PRKAR1B: variants seen among roughly 807,000 people sequenced by gnomAD.
PRKAR1B encodes the protein protein kinase cAMP-dependent type I regulatory subunit beta.
PRKAR1B carries 22 observed loss-of-function variants against 46.5 expected under a neutral mutation model. The ratio of observed to expected loss-of-function variants is 0.47; its 90% CI spans 0.34 to 0.68. PRKAR1B has a LOEUF of 0.68. PRKAR1B is among the 30% of genes least tolerant of loss of function. The pLI, the probability that PRKAR1B is intolerant of heterozygous loss-of-function variation, is 0.01. For missense variants in PRKAR1B, 445 were observed against 535.6 expected, an observed-to-expected ratio of 0.83 and a Z score of 1.67; for synonymous variants, 259 against 217.7, an observed-to-expected ratio of 1.19 and a Z score of -1.67.
intron 10 of PRKAR1B, among the ~76,000 whole-genome samples, chr7:550,810 T>C (rs906347122): frequency 6.6e-6 from 1 of 152,330 alleles, no homozygotes; most frequent in South Asian, 2.1e-4. Flanking sequence ...TTATCTGAAA[T>C]TCACGTTCAG....
chr7:663,839 TGA>T (rs1785753011), intron 4 of PRKAR1B, among the ~76,000 whole-genome samples: 1 of 151,980 alleles, frequency 6.6e-6, no homozygotes, highest in African/African-American at 2.4e-5. Context: ...TCAGGGAGCG[TGA>T]GTTACAACTG....
chr7:712,296 C>G (rs1235168038), intron 1 of PRKAR1B: 3 of 150,318 alleles, frequency 2.0e-5, no homozygotes, highest in Non-Finnish European at 4.5e-5. Context: ...GCCCCAGGCC[C>G]GGCCCCGCCC....
chr7:570,528 C>T (rs1180063904), intron 9 of PRKAR1B, among the ~76,000 whole-genome samples: 1 of 152,150 alleles, frequency 6.6e-6, no homozygotes, highest in African/African-American at 2.4e-5. Flanking sequence ...CCCCCACTGC[C>T]TGCCCAGCAG....
chr7:711,654 C>G (rs1009895323), intron 1 of PRKAR1B, 127 bp from the exon 2 acceptor site: 5 of 872,874 alleles, frequency 5.7e-6, no homozygotes, highest in African/African-American at 3.4e-5. Flanking sequence ...CTGCATTTGT[C>G]AAAGATCTTT....
chr7:634,075 T>A (rs1783906408), intron 4 of PRKAR1B, among the ~76,000 whole-genome samples: 1 of 152,130 alleles, frequency 6.6e-6, no homozygotes, highest in South Asian at 2.1e-4. Flanking sequence ...CAGGCTGCAG[T>A]GCAATGGTGT....
At chr7:559,919 T>C (rs1025628647) in intron 9 of PRKAR1B, among the ~76,000 whole-genome samples, 2 of 152,006 alleles carry the variant, frequency 1.3e-5, no homozygotes, top group Non-Finnish European at 2.9e-5. Context: ...CTACAAAAAG[T>C]AAATTAGCTG....
At chr7:709,940 C>A (rs1324674531) in intron 2 of PRKAR1B, among the ~76,000 whole-genome samples, 2 of 152,174 alleles carry the variant, frequency 1.3e-5, no homozygotes, top group African/African-American at 2.4e-5. Flanking sequence ...CCGTATCTGG[C>A]CTACAACTAC....
At chr7:571,812 C>T (rs552363872) in intron 9 of PRKAR1B, among the ~76,000 whole-genome samples, 1 of 152,346 alleles carries the variant, frequency 6.6e-6, no homozygotes, top group African/African-American at 2.4e-5. Context: ...CCAGCCCCGG[C>T]CGAATGCCGC....
At chr7:682,391 G>A (rs1031627378) in intron 2 of PRKAR1B, among the ~76,000 whole-genome samples, 5 of 152,080 alleles carry the variant, frequency 3.3e-5, no homozygotes, top group Non-Finnish European at 4.4e-5. Context: ...CACTTAGGGA[G>A]GATCATTTGG....
At chr7:595,111 G>A (rs1781197577) in intron 7 of PRKAR1B, among the ~76,000 whole-genome samples, 1 of 152,208 alleles carries the variant, frequency 6.6e-6, no homozygotes, top group African/African-American at 2.4e-5. Context: ...TCCTCGGCCT[G>A]GAGCCCTCCC....
At chr7:598,029 A>G (rs1014964175) in intron 6 of PRKAR1B, among the ~76,000 whole-genome samples, 1 of 152,176 alleles carries the variant, frequency 6.6e-6, no homozygotes, top group Non-Finnish European at 1.5e-5. Context: ...GCTGCAGGTG[A>G]CGGACTCCAG....
At chr7:673,283 G>A (rs181586485) in intron 4 of PRKAR1B, among the ~76,000 whole-genome samples, 5 of 152,100 alleles carry the variant, frequency 3.3e-5, no homozygotes, top group African/African-American at 4.8e-5. Flanking sequence ...CGTAATATCC[G>A]TTCAAAAACG....
chr7:700,699 G>C (rs1190413304), intron 2 of PRKAR1B, among the ~76,000 whole-genome samples: 1 of 151,996 alleles, frequency 6.6e-6, no homozygotes, highest in Admixed American at 6.6e-5. Flanking sequence ...GGAGGAGAAG[G>C]AGAACAGGAG....
At chr7:634,930 G>A (rs781678341) in intron 4 of PRKAR1B, among the ~76,000 whole-genome samples, 77 of 152,032 alleles carry the variant, frequency 5.1e-4, no homozygotes, top group Non-Finnish European at 1.0e-3. Context: ...GTGAGCCACC[G>A]CACCCAGCCT....
chr7:723,797 CCT>C (rs987350661), intron 1 of PRKAR1B, among the ~76,000 whole-genome samples: 11 of 152,188 alleles, frequency 7.2e-5, no homozygotes, highest in Non-Finnish European at 1.3e-4. Flanking sequence ...TGCCTGCTCC[CCT>C]GTGACCAGGG....
chr7:631,082 A>G (rs68044999), intron 4 of PRKAR1B, among the ~76,000 whole-genome samples: 114,862 of 151,836 alleles, frequency 0.76, 43,938 homozygotes, highest in South Asian at 0.9. Context: ...CTCCCGAGTA[A>G]CTGGGATTAC....
rs1457133491 is a variant in PRKAR1B at position 727,259 on chromosome 7, C to T, written c.-72G>A. 1.5e-6 allele frequency: 2 copies of T among 1,331,410 alleles called. No individual in the cohort carries two copies. The highest frequency in any genetic ancestry group is 1.9e-6 in the Non-Finnish European group (2 of 1,045,102). The allele number at this position is 1,331,410 out of a possible 1,614,324, so 82.5% of individuals were successfully genotyped here. On this transcript the variant is annotated 5_prime_UTR_variant, in exon 1 of 11. Coordinates refer to ENST00000537384, the MANE Select transcript of PRKAR1B (RefSeq NM_001164760.2). ...CGCTGCTCCCTGCTCGACCCCTTCG[C>T]CGCCGTGCGCCGCGAGAGCTGCAGC...
intron 4 of PRKAR1B, among the ~76,000 whole-genome samples, chr7:615,970 G>A (rs1318184774): frequency 1.3e-5 from 2 of 149,692 alleles, no homozygotes; most frequent in Non-Finnish European, 3.0e-5. Context: ...AAAAGAAACA[G>A]AAAGAGAGAA....
intron 9 of PRKAR1B, chr7:561,821 C>G (rs868024845): frequency 1.3e-5 from 2 of 152,294 alleles, no homozygotes; most frequent in African/African-American, 2.4e-5. Flanking sequence ...TTCCCGCGGA[C>G]GTCGGCGCCA....
Sources: allele counts gnomAD v4.1 joint callset (sites outside exome capture counted in the v4.1 genomes callset), GRCh38; gene constraint gnomAD v4.1.1; transcripts MANE v1.5; gene names NCBI Gene and HGNC (gene_info 2026-07-23, HGNC 2026-07-21).